Variants in RASGEF1B observed in about 807,000 individuals in gnomAD.
The protein encoded by RASGEF1B is ras-GEF domain-containing family member 1B.
Under a neutral mutation model 65.7 loss-of-function variants are expected in RASGEF1B, and 30 were observed. The observed-to-expected ratio is 0.46, with a 90% CI of 0.34 to 0.62. The LOEUF (loss-of-function observed/expected upper bound fraction) is 0.62. RASGEF1B is among the 20% of genes least tolerant of loss of function. The pLI, the probability that RASGEF1B is intolerant of heterozygous loss-of-function variation, is 0.01. For synonymous variants in RASGEF1B, 175 were observed against 194.8 expected, an observed-to-expected ratio of 0.90 and a Z score of 0.85; for missense variants, 495 against 580.1, an observed-to-expected ratio of 0.85 and a Z score of 1.51.
At position 81,426,724 on chromosome 4, in the gene RASGEF1B, G is replaced by C. The variant is rs1721233618; in HGVS notation, c.*1044C>G. ...GTGTTTTTCATCTGTTTTGTTTACTGCTATAGTGGGGACAGGTAACTTCTC... is the reference window on the plus strand; with the variant it reads ...GTGTTTTTCATCTGTTTTGTTTACTCCTATAGTGGGGACAGGTAACTTCTC... On this transcript the variant is annotated 3_prime_UTR_variant, in exon 14 of 14. Coordinates refer to ENST00000264400, the MANE Select transcript of RASGEF1B (RefSeq NM_152545.3). The C allele has an allele frequency of 6.6e-6, 1 of 152,036 alleles. No individual in the cohort carries two copies. Among genetic ancestry groups the C allele is most frequent in the African/African-American group, 2.4e-5 (1 of 41,390 alleles). 9.4% of individuals were successfully genotyped at this position (152,036 alleles called of 1,614,324 possible). A position where few individuals can be genotyped will look rare whatever the true frequency, so the allele number is the denominator to read the frequency against.
chr4:81,460,812 T>C (rs1722616194), intron 1 of RASGEF1B, among the ~76,000 whole-genome samples: 1 of 152,184 alleles, frequency 6.6e-6, no homozygotes, highest in African/African-American at 2.4e-5. Flanking sequence ...CATTTCTGAG[T>C]ACTTTGTCCC....
chr4:81,446,365 T>G (rs1722023601), intron 6 of RASGEF1B, among the ~76,000 whole-genome samples: 1 of 152,112 alleles, frequency 6.6e-6, no homozygotes, highest in Non-Finnish European at 1.5e-5. Context: ...AGAGTGAGAT[T>G]CGGCCTCCAA....
intron 12 of RASGEF1B, among the ~76,000 whole-genome samples, chr4:81,433,343 T>C (rs534749526): frequency 1.4e-4 from 21 of 152,180 alleles, no homozygotes; most frequent in African/African-American, 3.6e-4. Context: ...AAAATAAATC[T>C]CTAAGTATTT....
At chr4:81,470,766 G>C (rs1722993425) in intron 1 of RASGEF1B, among the ~76,000 whole-genome samples, 1 of 152,166 alleles carries the variant, frequency 6.6e-6, no homozygotes, top group Non-Finnish European at 1.5e-5. Context: ...CAATCTCCTT[G>C]TGTTATCTGC....
intron 1 of RASGEF1B, among the ~76,000 whole-genome samples, chr4:81,463,754 C>A (rs1368193325): frequency 6.6e-6 from 1 of 152,206 alleles, no homozygotes; most frequent in Non-Finnish European, 1.5e-5. Flanking sequence ...TATCTTCCCT[C>A]TTGTTAACCA....
chr4:81,435,397 G>A (rs1488675879), intron 10 of RASGEF1B, among the ~76,000 whole-genome samples: 3 of 118,130 alleles, frequency 2.5e-5, no homozygotes, highest in South Asian at 6.4e-4. Context: ...CGGCCTGGGC[G>A]ACAGAGCGAG....
chr4:81,427,889 T>C (rs1203921876), intron 13 of RASGEF1B, 97 bp from the exon 14 acceptor site: 102 of 1,238,182 alleles, frequency 8.2e-5, no homozygotes, highest in Non-Finnish European at 1.1e-4. Flanking sequence ...ATCTTTCCTG[T>C]GTTTTAAGTT....
In RASGEF1B at chr4:81,426,981, C is replaced by CAAAAAAA. The variant is rs546907988; in HGVS notation, c.*780_*786dup. The CAAAAAAA allele has an allele frequency of 8.8e-5, 3 of 34,260 alleles. No individual in the cohort carries two copies. Among genetic ancestry groups the CAAAAAAA allele is most frequent in the Non-Finnish European group, 1.7e-4 (3 of 17,690 alleles). 2.1% of individuals were successfully genotyped at this position (34,260 alleles called of 1,614,324 possible). A position where few individuals can be genotyped will look rare whatever the true frequency, so the allele number is the denominator to read the frequency against. Reference sequence around the variant, plus strand: ...GTCAGTTGTAAACAGCTCAGAAGAGCAAAAAAAAAAAAAAAAAAAAAAAAA... The same window carrying CAAAAAAA: ...GTCAGTTGTAAACAGCTCAGAAGAGCAAAAAAAAAAAAAAAAAAAAAAAAAAAAAAAA... On this transcript the variant is annotated 3_prime_UTR_variant, in exon 14 of 14. Transcript: ENST00000264400.
intron 11 of RASGEF1B, 53 bp from the exon 12 acceptor site, chr4:81,434,016 G>A (rs990648585): frequency 6.1e-6 from 9 of 1,464,764 alleles, no homozygotes; most frequent in South Asian, 2.3e-5. Context: ...AAATAATTAT[G>A]AGTTTGGGAG....
Position 81,442,281 on chromosome 4 carries a change from C to T in RASGEF1B, c.1008+16G>A. The stretch of plus-strand genomic sequence containing the variant: ...TGTAAAGTGTTACTTAACAGCAAAA[C>T]ATCAGCTTCACATACCTCAAGAATG... On this transcript the variant is annotated intron_variant, in intron 9 of 13. Transcript: ENST00000264400. 2 of 1,580,084 alleles carry T rather than the reference C, an allele frequency of 1.3e-6. No individual in the cohort carries two copies. Among genetic ancestry groups the T allele is most frequent in the East Asian group, 2.2e-5 (1 of 44,724 alleles).
intron 1 of RASGEF1B, among the ~76,000 whole-genome samples, chr4:81,468,903 C>T (rs1407936335): frequency 1.3e-5 from 2 of 152,166 alleles, no homozygotes; most frequent in Admixed American, 1.3e-4. Context: ...ACACTGCAGG[C>T]ATAGAGAAAA....
At chr4:81,462,124 A>G (rs1364979117) in intron 1 of RASGEF1B, among the ~76,000 whole-genome samples, 1 of 152,144 alleles carries the variant, frequency 6.6e-6, no homozygotes, top group African/African-American at 2.4e-5. Context: ...AAATCTTCAA[A>G]CCCTCAGCAC....
At chr4:81,442,765 A>G (rs528179451) in intron 8 of RASGEF1B, among the ~76,000 whole-genome samples, 2 of 152,380 alleles carry the variant, frequency 1.3e-5, no homozygotes, top group Non-Finnish European at 2.9e-5. Flanking sequence ...GTTTATGTAC[A>G]CTGAAATCTG....
intron 12 of RASGEF1B, among the ~76,000 whole-genome samples, chr4:81,433,118 A>C (rs994700556): frequency 2.6e-5 from 4 of 151,636 alleles, no homozygotes; most frequent in African/African-American, 4.8e-5. Flanking sequence ...ACTCCCAGCT[A>C]TCTGGAAGGC....
At chr4:81,444,991 G>C (rs537902890) in intron 8 of RASGEF1B, among the ~76,000 whole-genome samples, 9 of 152,292 alleles carry the variant, frequency 5.9e-5, no homozygotes, top group African/African-American at 2.2e-4. Flanking sequence ...GAACAACCAA[G>C]ACATATTGTT....
At chr4:81,456,048 C>T (rs980180998) in intron 4 of RASGEF1B, 2 of 156,234 alleles carry the variant, frequency 1.3e-5, no homozygotes, top group Admixed American at 1.3e-4. Context: ...TCATTTAAGT[C>T]CCTCAATAAT....
At chr4:81,449,385 C>T (rs1036470214) in intron 4 of RASGEF1B, among the ~76,000 whole-genome samples, 3 of 152,220 alleles carry the variant, frequency 2.0e-5, no homozygotes, top group African/African-American at 7.2e-5. Context: ...AACTGTCAAC[C>T]TCCTGACTTT....
chr4:81,464,083 C>G (rs1177201787), intron 1 of RASGEF1B, among the ~76,000 whole-genome samples: 1 of 152,160 alleles, frequency 6.6e-6, no homozygotes. Context: ...TCCTTATTGG[C>G]AGCAAATCTT....
chr4:81,431,292 G>T (rs535203885), intron 13 of RASGEF1B, among the ~76,000 whole-genome samples: 4 of 149,956 alleles, frequency 2.7e-5, no homozygotes, highest in Admixed American at 2.0e-4. Flanking sequence ...TATTAGTTCT[G>T]TACATATATA....
Sources: gnomAD v4.1 joint callset for allele counts (sites outside exome capture counted in the v4.1 genomes callset) on GRCh38, gnomAD v4.1.1 for gene constraint, MANE v1.5 for transcripts, NCBI Gene and HGNC (gene_info 2026-07-23, HGNC 2026-07-21) for gene names.